The following TNIK variants were observed in gnomAD, a reference collection of about 807,000 sequenced individuals.
TNIK encodes TRAF2 and NCK-interacting protein kinase.
Under a neutral mutation model 191.3 loss-of-function variants are expected in TNIK, and 49 were observed. That is an observed-to-expected ratio of 0.26 (90% CI 0.20 to 0.32). The LOEUF is 0.32. Among genes scored for constraint, TNIK ranks in the 10% least tolerant of loss-of-function variants. The probability of loss-of-function intolerance (pLI) is 1.00; values close to 1 mark genes in which losing one functional copy is unlikely to be tolerated. For synonymous variants in TNIK, 594 were observed against 600.9 expected (o/e 0.99, Z 0.17); for missense variants, 1,155 against 1,702.3 (o/e 0.68, Z 5.66).
At chr3:171,065,998 G>A (rs992595481) in intron 32 of TNIK, among the ~76,000 whole-genome samples, 189 bp downstream of exon 32, 9 of 152,280 alleles carry the variant, frequency 5.9e-5, no homozygotes, top group East Asian at 1.9e-4. Context: ...ATGTTTTTAT[G>A]TAGTTTTTGA....
At chr3:171,289,369 C>G (rs1279446906) in intron 2 of TNIK, among the ~76,000 whole-genome samples, 1 of 152,158 alleles carries the variant, frequency 6.6e-6, no homozygotes, top group Non-Finnish European at 1.5e-5. Context: ...TTAATAAGGT[C>G]TTAAAAACTC....
chr3:171,253,277 G>C (rs574062267), intron 2 of TNIK, among the ~76,000 whole-genome samples: 3 of 121,152 alleles, frequency 2.5e-5, no homozygotes, highest in Non-Finnish European at 5.4e-5. Flanking sequence ...AAGCAAGACT[G>C]TCTCAAAAAA....
intron 1 of TNIK, among the ~76,000 whole-genome samples, chr3:171,421,183 C>A (rs959588256): frequency 2.0e-5 from 3 of 152,212 alleles, no homozygotes; most frequent in Admixed American, 6.5e-5. Context: ...AAACTAAGTG[C>A]CTTTGATAGT....
Position 171,085,122 on chromosome 3 carries a change from G to C in TNIK, c.2994C>G (p.Ala998=). ...CACAGGGCCCTTCTTGCTTACCTGC[G>C]GCTGATGATTCCTCATCCTCTTCAT... ...DEDEEDEESS[A]AALFTSELLR... Residue 998 remains alanine (A), a synonymous_variant, in exon 25 of 33, where the codon GCC becomes GCG. Transcript: ENST00000436636. 1.9e-6 allele frequency: 3 copies of C among 1,606,008 alleles called. No individual in the cohort carries two copies. In the South Asian group the frequency reaches 3.4e-5, roughly 18 times the overall value.
At chr3:171,291,240 A>C (rs1751648469) in intron 2 of TNIK, among the ~76,000 whole-genome samples, 1 of 152,176 alleles carries the variant, frequency 6.6e-6, no homozygotes, top group Admixed American at 6.5e-5. Flanking sequence ...AGATAATGTT[A>C]TAGTTTTTGC....
chr3:171,301,832 T>C (rs573004098), intron 2 of TNIK, among the ~76,000 whole-genome samples: 24 of 152,190 alleles, frequency 1.6e-4, no homozygotes, highest in Non-Finnish European at 2.9e-4. Flanking sequence ...TCAAATTCCT[T>C]GGTATTTAAT....
chr3:171,305,799 A>C (rs2108284761), intron 2 of TNIK, among the ~76,000 whole-genome samples: 1 of 152,322 alleles, frequency 6.6e-6, no homozygotes, highest in East Asian at 1.9e-4. Context: ...TGTGGAAAGC[A>C]ATGTGGAGAT....
At chr3:171,399,140 A>C (rs569697976) in intron 1 of TNIK, among the ~76,000 whole-genome samples, 1 of 152,368 alleles carries the variant, frequency 6.6e-6, no homozygotes, top group African/African-American at 2.4e-5. Context: ...CAAAGCATGC[A>C]GAGAATAGAG....
At chr3:171,136,842 G>A (rs1422058090) in intron 15 of TNIK, among the ~76,000 whole-genome samples, 1 of 152,174 alleles carries the variant, frequency 6.6e-6, no homozygotes, top group African/African-American at 2.4e-5. Flanking sequence ...GATTATTAAG[G>A]GGTCGATGCT....
At position 171,323,624 on chromosome 3, in the gene TNIK, T is replaced by C. The variant is rs578058846; in HGVS notation, c.123+45996A>G. Among the ~76,000 whole-genome samples the C allele has an allele frequency of 4.2e-4, 64 of 152,282 alleles. 1 individual carries two copies. In the South Asian group the frequency reaches 9.7e-3, roughly 23 times the overall value. Reference sequence around the variant, plus strand: ...AATTTCGCGAACCTATGAAAGTACATATCAGGGGAACTAAACACAGTCTGA... The same window carrying C: ...AATTTCGCGAACCTATGAAAGTACACATCAGGGGAACTAAACACAGTCTGA... On this transcript the variant is annotated intron_variant, in intron 2 of 32. Transcript: ENST00000436636.
At chr3:171,186,785 C>T (rs997606532) in intron 7 of TNIK, among the ~76,000 whole-genome samples, 10 of 152,202 alleles carry the variant, frequency 6.6e-5, no homozygotes, top group African/African-American at 9.7e-5. Context: ...TGCAGCATGA[C>T]GACCTCTGTG....
intron 11 of TNIK, 121 bp from the exon 12 acceptor site, chr3:171,157,785 G>C: frequency 2.0e-6 from 2 of 994,760 alleles, no homozygotes; most frequent in South Asian, 3.3e-5. Context: ...AAGAGCACAG[G>C]CTCCTAGATC....
At chr3:171,226,947 TA>T (rs1401170643) in intron 3 of TNIK, among the ~76,000 whole-genome samples, 1 of 152,160 alleles carries the variant, frequency 6.6e-6, no homozygotes, top group East Asian at 1.9e-4. Flanking sequence ...CTTATTTATT[TA>T]TTTTTTTCTT....
intron 18 of TNIK, among the ~76,000 whole-genome samples, chr3:171,122,778 G>C (rs1285865793): frequency 2.6e-5 from 4 of 152,196 alleles, no homozygotes; most frequent in South Asian, 2.1e-4. Flanking sequence ...AGCCTTAGCA[G>C]AGGCCATTTG....
chr3:171,162,558 T>C (rs56276619), intron 10 of TNIK, among the ~76,000 whole-genome samples: 11,045 of 152,280 alleles, frequency 0.073, 563 homozygotes, highest in African/African-American at 0.14. Context: ...TGAGGCTTGC[T>C]TTGGAAGAGA....
chr3:171,301,129 A>G (rs1752826752), intron 2 of TNIK, among the ~76,000 whole-genome samples: 1 of 152,134 alleles, frequency 6.6e-6, no homozygotes, highest in Non-Finnish European at 1.5e-5. Context: ...ATTTCAATTT[A>G]GTACCACCAA....
chr3:171,282,334 G>GTTCTTTTTTTT (rs1750527889), intron 2 of TNIK, among the ~76,000 whole-genome samples: 1 of 114,524 alleles, frequency 8.7e-6, no homozygotes, highest in Non-Finnish European at 1.8e-5. Context: ...TCTCTTAATG[G>GTTCTTTTTTTT]TTTTTTGTTT....
chr3:171,390,909 G>A (rs891508297), intron 1 of TNIK, among the ~76,000 whole-genome samples: 1 of 152,178 alleles, frequency 6.6e-6, no homozygotes, highest in African/African-American at 2.4e-5. Context: ...AGGAAAGGGA[G>A]CCCAAACACT....
intron 2 of TNIK, among the ~76,000 whole-genome samples, chr3:171,345,500 C>T (rs1463230871): frequency 6.6e-6 from 1 of 151,818 alleles, no homozygotes; most frequent in East Asian, 1.9e-4. Flanking sequence ...CTTAGGCTCA[C>T]AAAGAAAGCC....
Sources: allele counts gnomAD v4.1 joint callset (sites outside exome capture counted in the v4.1 genomes callset), GRCh38; gene constraint gnomAD v4.1.1; transcripts MANE v1.5; gene names NCBI Gene and HGNC (gene_info 2026-07-23, HGNC 2026-07-21).